The following EDARADD variants were observed in gnomAD, a reference collection of about 807,000 sequenced individuals.
The protein encoded by EDARADD is EDAR associated via death domain, also known as ectodysplasin-A receptor-associated adapter protein.
A neutral mutation model predicts 25.6 loss-of-function variants in EDARADD; 20 were observed. The observed-to-expected ratio is 0.78, with a 90% CI of 0.55 to 1.14. The LOEUF is 1.14. Ranked by LOEUF, EDARADD falls within the 50% of genes most tolerant of loss-of-function variation. EDARADD has a pLI of 0.00. For synonymous variants in EDARADD, 86 were observed against 94.4 expected (o/e 0.91, Z 0.52); for missense variants, 225 against 270.1 (o/e 0.83, Z 1.17).
intron 3 of EDARADD, among the ~76,000 whole-genome samples, chr1:236,419,055 GA>G (rs1558117761): frequency 6.6e-6 from 1 of 152,186 alleles, no homozygotes; most frequent in Non-Finnish European, 1.5e-5. Context: ...TAAGAGGATA[GA>G]GGGGACGGAG....
At chr1:236,460,202 TGAGAC>T (rs1659001143) in intron 4 of EDARADD, among the ~76,000 whole-genome samples, 1 of 151,012 alleles carries the variant, frequency 6.6e-6, no homozygotes, top group Non-Finnish European at 1.5e-5. Flanking sequence ...TTTTTTTTTT[TGAGAC>T]AGGGTCCCAC....
intron 1 of EDARADD, among the ~76,000 whole-genome samples, chr1:236,404,750 C>T (rs605689): frequency 0.58 from 88,793 of 151,862 alleles, 29,386 homozygotes; most frequent in Non-Finnish European, 0.74. Context: ...CTGCAGTAAG[C>T]GGTGATCACA....
intron 3 of EDARADD, among the ~76,000 whole-genome samples, chr1:236,385,345 C>T (rs1572119089): frequency 7.3e-6 from 1 of 137,930 alleles, no homozygotes; most frequent in Non-Finnish European, 1.5e-5. Flanking sequence ...GGAGGTGGAG[C>T]TTGCAGTGAG....
intron 4 of EDARADD, among the ~76,000 whole-genome samples, chr1:236,462,745 T>C (rs1396852992): frequency 1.3e-5 from 2 of 152,232 alleles, no homozygotes; most frequent in African/African-American, 2.4e-5. Flanking sequence ...GTTCAAAGAA[T>C]TCTTGGCAGC....
In EDARADD at chr1:236,398,153, C is replaced by A. The variant is rs920823968; in HGVS notation, c.61+3648C>A. ...TTATTATTATTTTTCAAGATGGAGT[C>A]TCACTCTGTCACCCAGGCTGGAGTG... On this transcript the variant is annotated intron_variant, in intron 1 of 5. Transcript: ENST00000334232. This position sits in a 1 kb window ranked among gnomAD's most constrained non-coding sequence, Gnocchi z 4.1. Among the ~76,000 whole-genome samples the A allele has an allele frequency of 6.6e-6, 1 of 152,092 alleles. No individual in the cohort carries two copies. The highest frequency in any genetic ancestry group is 1.5e-5 in the Non-Finnish European group (1 of 68,022).
intron 3 of EDARADD, among the ~76,000 whole-genome samples, chr1:236,389,212 A>G (rs532855691): frequency 2.6e-4 from 39 of 152,306 alleles, no homozygotes; most frequent in Admixed American, 2.5e-3. Context: ...CAAGGTTGTG[A>G]GTGAGGATCC....
intron 2 of EDARADD, among the ~76,000 whole-genome samples, chr1:236,349,849 C>T (rs538486899): frequency 2.0e-5 from 3 of 152,260 alleles, no homozygotes; most frequent in Admixed American, 6.5e-5. Context: ...CGGTGGCTCA[C>T]GCCTGTATTC....
chr1:236,369,179 A>G (rs77961020), intron 3 of EDARADD, among the ~76,000 whole-genome samples: 8,810 of 152,214 alleles, frequency 0.058, 838 homozygotes, highest in African/African-American at 0.2. Context: ...AATTGGCTCT[A>G]CTAGGTCTTT....
intron 3 of EDARADD, among the ~76,000 whole-genome samples, chr1:236,365,353 G>C (rs887016247): frequency 3.3e-5 from 5 of 152,066 alleles, no homozygotes; most frequent in African/African-American, 1.2e-4. Flanking sequence ...TAGAAACAAG[G>C]TCTCACTATG....
chr1:236,462,179 A>G (rs1309579505), intron 4 of EDARADD, among the ~76,000 whole-genome samples: 1 of 152,200 alleles, frequency 6.6e-6, no homozygotes, highest in Non-Finnish European at 1.5e-5. Flanking sequence ...GGACTTCCCT[A>G]GCATGTCAGC....
intron 1 of EDARADD, among the ~76,000 whole-genome samples, chr1:236,405,997 G>A (rs1359044373): frequency 3.4e-5 from 5 of 148,464 alleles, no homozygotes; most frequent in African/African-American, 1.2e-4. Context: ...TGGACGCAGC[G>A]GGCATTGTTT....
chr1:236,351,253 C>T (rs910944604), intron 3 of EDARADD, among the ~76,000 whole-genome samples: 12 of 152,168 alleles, frequency 7.9e-5, no homozygotes, highest in Non-Finnish European at 1.8e-4. Context: ...CCCAAATAAA[C>T]TATTTACATT....
At chr1:236,411,134 A>C (rs1214842659) in intron 2 of EDARADD, among the ~76,000 whole-genome samples, 1 of 151,952 alleles carries the variant, frequency 6.6e-6, no homozygotes, top group Non-Finnish European at 1.5e-5. Flanking sequence ...CTATGTCCTT[A>C]TGCTCACCTT....
At chr1:236,435,534 C>T (rs138056586) in intron 4 of EDARADD, among the ~76,000 whole-genome samples, 427 of 152,332 alleles carry the variant, frequency 2.8e-3, no homozygotes, top group Non-Finnish European at 4.9e-3. Flanking sequence ...TCACCACCCT[C>T]AGGAGGCACA....
intron 3 of EDARADD, among the ~76,000 whole-genome samples, chr1:236,374,268 T>C (rs1288034405): frequency 1.5e-5 from 2 of 133,622 alleles, no homozygotes; most frequent in Non-Finnish European, 3.2e-5. Flanking sequence ...CTCCCTCCCT[T>C]CCTCCCTTCC....
chr1:236,390,538 G>A (rs983747754), upstream of EDARADD, among the ~76,000 whole-genome samples: 7 of 152,112 alleles, frequency 4.6e-5, no homozygotes, highest in African/African-American at 1.7e-4. Context: ...GGGGGACAGA[G>A]CGAGACTCCG....
intron 3 of EDARADD, among the ~76,000 whole-genome samples, chr1:236,372,019 C>T (rs766895794): frequency 2.6e-5 from 4 of 151,946 alleles, no homozygotes; most frequent in Non-Finnish European, 4.4e-5. Flanking sequence ...TGCAGTGGTG[C>T]GATCTCGGCT....
At chr1:236,373,395 G>A (rs1295494057) in intron 3 of EDARADD, among the ~76,000 whole-genome samples, 1 of 152,044 alleles carries the variant, frequency 6.6e-6, no homozygotes, top group Non-Finnish European at 1.5e-5. Context: ...TAGTAGAGAT[G>A]GGGTTTCACC....
chr1:236,458,457 A>C (rs1213814868), intron 4 of EDARADD, among the ~76,000 whole-genome samples: 1 of 152,166 alleles, frequency 6.6e-6, no homozygotes, highest in Non-Finnish European at 1.5e-5. Flanking sequence ...CATGGCCATG[A>C]CTAAGGAATC....
Sources: allele counts gnomAD v4.1 joint callset (sites outside exome capture counted in the v4.1 genomes callset), GRCh38; gene constraint gnomAD v4.1.1; non-coding constraint Gnocchi (gnomAD v3.1); transcripts MANE v1.5; gene names NCBI Gene and HGNC (gene_info 2026-07-23, HGNC 2026-07-21).